The following PCDHGA2 variants were observed in gnomAD, a reference collection of about 807,000 sequenced individuals.
PCDHGA2 encodes protocadherin gamma subfamily A, 2.
PCDHGA2 carries 40 observed loss-of-function variants against 59.2 expected under a neutral mutation model. The observed-to-expected ratio is 0.68, with a 90% CI of 0.52 to 0.88. The LOEUF (loss-of-function observed/expected upper bound fraction) is 0.88, where lower values mean the gene tolerates loss of function less well. Ranked by LOEUF, PCDHGA2 falls within the 40% of genes least tolerant of loss-of-function variation. PCDHGA2 has a pLI of 0.00. For synonymous variants in PCDHGA2, 560 were observed against 526.0 expected (o/e 1.06, Z -0.89); for missense variants, 1,226 against 1,204.0 (o/e 1.02, Z -0.27).
intron 1 of PCDHGA2, chr5:141,371,427 C>T (rs773502490): frequency 1.1e-5 from 17 of 1,613,780 alleles, no homozygotes; most frequent in African/African-American, 1.3e-5. Flanking sequence ...TGACAATGCC[C>T]CGGAGATAAC....
intron 1 of PCDHGA2, chr5:141,357,084 C>G (rs1399515564): frequency 3.1e-6 from 5 of 1,613,794 alleles, no homozygotes; most frequent in Admixed American, 1.7e-5. Context: ...AGGTGCGCAC[C>G]GCACGGGCCC....
At chr5:141,384,470 A>G in intron 1 of PCDHGA2, 1 of 1,614,120 alleles carries the variant, frequency 6.2e-7, no homozygotes, top group South Asian at 1.1e-5. Context: ...GATTATGAGC[A>G]GTTGAGAGAA....
rs112808093 is a variant in PCDHGA2, at chr5:141,489,579, C to A, written c.2425-5228C>A. ...CAGTGCAGGTGGTGACTGAACACCC[C>A]CTGGAGCTAATCCGTGTAGAGGTAG... On this transcript the variant is annotated intron_variant, in intron 1 of 3. Coordinates refer to ENST00000394576, the MANE Select transcript of PCDHGA2 (RefSeq NM_018915.4). This position sits in a 1 kb window ranked among gnomAD's most constrained non-coding sequence, Gnocchi z 4.5. 1.2e-6 allele frequency: 2 copies of A among 1,613,922 alleles called. No individual in the cohort carries two copies. Among genetic ancestry groups the A allele is most frequent in the African/African-American group, 2.7e-5 (2 of 74,916 alleles).
intron 1 of PCDHGA2, chr5:141,374,687 C>G (rs1443411888): frequency 6.2e-7 from 1 of 1,609,446 alleles, no homozygotes; most frequent in African/African-American, 1.3e-5. Context: ...CACACTGGAC[C>G]GGGAAGGAGA....
At chr5:141,383,007 G>A (rs1047921009) in intron 1 of PCDHGA2, 1 of 1,613,748 alleles carries the variant, frequency 6.2e-7, no homozygotes, top group Non-Finnish European at 8.5e-7. Flanking sequence ...ACTCCGTGTC[G>A]GAGGAGACGG....
chr5:141,372,138 G>A, intron 1 of PCDHGA2: 1 of 1,613,746 alleles, frequency 6.2e-7, no homozygotes, highest in Non-Finnish European at 8.5e-7. Context: ...GCCGCGCTCT[G>A]CAGAGCCTGG....
At chr5:141,437,225 T>C (rs943242286) in intron 1 of PCDHGA2, among the ~76,000 whole-genome samples, 2 of 152,240 alleles carry the variant, frequency 1.3e-5, no homozygotes, top group Admixed American at 1.3e-4. Flanking sequence ...ATTCCAGTCA[T>C]AAAATTATGT....
intron 1 of PCDHGA2, among the ~76,000 whole-genome samples, chr5:141,363,346 G>C (rs1762883657): frequency 6.6e-6 from 1 of 152,068 alleles, no homozygotes; most frequent in African/African-American, 2.4e-5. Flanking sequence ...ATGACTTTCT[G>C]AAATGTCCAT....
rs139839962 is a variant in PCDHGA2, at chr5:141,380,524, G to C, written c.2424+39129G>C. On this transcript the variant is annotated intron_variant, in intron 1 of 3. Coordinates refer to ENST00000394576, the MANE Select transcript of PCDHGA2 (RefSeq NM_018915.4). ...ATATACACTCTTTAAACTATGAAAT[G>C]ATTTCAATTTGATACAATGAGCTTA... Among the ~76,000 whole-genome samples the C allele has an allele frequency of 4.5e-3, 691 of 152,196 alleles. 6 individuals are homozygous for C. Among genetic ancestry groups the C allele is most frequent in the Middle Eastern group, 0.014 (4 of 294 alleles).
chr5:141,347,306 A>C (rs1335169312), intron 1 of PCDHGA2, among the ~76,000 whole-genome samples: 1 of 151,638 alleles, frequency 6.6e-6, no homozygotes, highest in Non-Finnish European at 1.5e-5. Context: ...GGCACGAGCC[A>C]CCCTCCCAGC....
chr5:141,409,357 T>A, intron 1 of PCDHGA2: 2 of 1,613,968 alleles, frequency 1.2e-6, no homozygotes, highest in Non-Finnish European at 1.7e-6. Context: ...TCAGGTGTAA[T>A]ATAGAAACAG....
chr5:141,410,068 C>A, intron 1 of PCDHGA2: 1 of 1,612,950 alleles, frequency 6.2e-7, no homozygotes. Context: ...TGGGGCTGCG[C>A]ACTGGGGAGG....
intron 2 of PCDHGA2, among the ~76,000 whole-genome samples, chr5:141,500,194 T>G (rs994324188): frequency 2.1e-4 from 31 of 147,918 alleles, no homozygotes; most frequent in African/African-American, 7.7e-4. Context: ...TTTTATTTAT[T>G]TATTTATTTA....
intron 1 of PCDHGA2, chr5:141,375,735 T>C: frequency 6.2e-7 from 1 of 1,614,254 alleles, no homozygotes; most frequent in Non-Finnish European, 8.5e-7. Context: ...CTGAGCCTGT[T>C]TGTGCTGGAC....
chr5:141,432,746 G>T lies in PCDHGA2; in HGVS notation c.2425-62061G>T, dbSNP rs772043134. The T allele has an allele frequency of 6.2e-7, 1 of 1,614,098 alleles. No individual in the cohort carries two copies. Among genetic ancestry groups the T allele is most frequent in the Non-Finnish European group, 8.5e-7 (1 of 1,179,992 alleles). Reference sequence around the variant, plus strand: ...CTCCGCCACTGTCACGCTCACCGTGGCCGTGGCCGACAGCATCCCCCAAGT... The same window carrying T: ...CTCCGCCACTGTCACGCTCACCGTGTCCGTGGCCGACAGCATCCCCCAAGT... On this transcript the variant is annotated intron_variant, in intron 1 of 3. Transcript: ENST00000394576. This position sits in a 1 kb window ranked among gnomAD's most constrained non-coding sequence, Gnocchi z 6.0.
At chr5:141,427,934 G>A (rs746648152) in intron 1 of PCDHGA2, 42 of 1,584,338 alleles carry the variant, frequency 2.7e-5, no homozygotes, top group Non-Finnish European at 3.6e-5. Context: ...GCATGTTGGT[G>A]GGCGACCTCA....
intron 1 of PCDHGA2, among the ~76,000 whole-genome samples, chr5:141,484,389 G>A (rs1336850919): frequency 6.6e-6 from 1 of 152,140 alleles, no homozygotes; most frequent in Non-Finnish European, 1.5e-5. Flanking sequence ...GAATAAGAAA[G>A]GTTTGGTTTC....
intron 1 of PCDHGA2, chr5:141,383,931 T>G: frequency 6.2e-7 from 1 of 1,613,818 alleles, no homozygotes. Flanking sequence ...ATGATAATGC[T>G]CCAGAAGTGA....
At chr5:141,407,347 TG>T (rs1273387665) in intron 1 of PCDHGA2, among the ~76,000 whole-genome samples, 1 of 152,176 alleles carries the variant, frequency 6.6e-6, no homozygotes, top group Non-Finnish European at 1.5e-5. Flanking sequence ...TATGTTAATT[TG>T]GGGAAAACAT....
Sources: gnomAD v4.1 joint callset for allele counts (sites outside exome capture counted in the v4.1 genomes callset) on GRCh38, gnomAD v4.1.1 for gene constraint, Gnocchi (gnomAD v3.1) non-coding constraint, MANE v1.5 for transcripts, NCBI Gene and HGNC (gene_info 2026-07-23, HGNC 2026-07-21) for gene names.